Variants in FLT4 observed in about 807,000 individuals in gnomAD.
FLT4 encodes the protein fms related receptor tyrosine kinase 4.
Under a neutral mutation model 163.2 loss-of-function variants are expected in FLT4, and 30 were observed. That is an observed-to-expected ratio of 0.18 (90% confidence interval 0.14 to 0.25). The LOEUF (loss-of-function observed/expected upper bound fraction) is 0.25, where lower values mean the gene tolerates loss of function less well. Ranked by LOEUF, FLT4 falls within the 10% of genes least tolerant of loss-of-function variation. FLT4 has a pLI of 1.00. For synonymous variants in FLT4, 884 were observed against 789.5 expected, an observed-to-expected ratio of 1.12 and a Z score of -2.01; for missense variants, 1,510 against 1,863.8, an observed-to-expected ratio of 0.81 and a Z score of 3.50.
chr5:180,622,918 G>A (rs960773714), intron 11 of FLT4, 79 bp from the exon 12 acceptor site: 84 of 849,210 alleles, frequency 9.9e-5, no homozygotes, highest in South Asian at 7.1e-5. Flanking sequence ...CAAGGAGGTC[G>A]CTGTGCACCA....
chr5:180,619,806 C>T (rs769398792), intron 17 of FLT4, 37 bp from the exon 18 acceptor site: 8 of 1,505,342 alleles, frequency 5.3e-6, no homozygotes, highest in South Asian at 2.3e-5. Context: ...GTGAGCTGTA[C>T]GGGGTGAGCG....
intron 27 of FLT4, among the ~76,000 whole-genome samples, chr5:180,610,300 T>C (rs1762073245): frequency 6.6e-6 from 1 of 152,208 alleles, no homozygotes; most frequent in Non-Finnish European, 1.5e-5. Flanking sequence ...CAGCCCCGTG[T>C]GGCATGGAGC....
At position 180,620,958 on chromosome 5, in the gene FLT4, G is replaced by C. The variant is rs1323292035; in HGVS notation, c.2217C>G (p.Arg739=). The part of the protein sequence containing the change: ...SNQKLSIQRV[R]EEDAGRYLCS... ...ACAGATAGCGTCCCGCATCCTCCTC[G>C]CGCACGCGCTGGATGCTCAGCTTCT... is the stretch of plus-strand genomic sequence containing the variant. The change falls in exon 15 of 30, where the codon CGC becomes CGG. Residue 739 remains arginine, a synonymous_variant. Transcript: ENST00000261937. This position sits in a 1 kb window ranked among gnomAD's most constrained non-coding sequence, Gnocchi z 4.4. 2 of 1,610,610 alleles carry C rather than the reference G, an allele frequency of 1.2e-6. No individual in the cohort carries two copies. Among genetic ancestry groups the C allele is most frequent in the South Asian group, 2.2e-5 (2 of 90,792 alleles).
chr5:180,618,149 C>T (rs1762812614), intron 21 of FLT4, among the ~76,000 whole-genome samples: 1 of 85,626 alleles, frequency 1.2e-5, no homozygotes, highest in Non-Finnish European at 2.5e-5. Context: ...CCTCTCCTGC[C>T]CCTCAGCCTC....
chr5:180,616,984 C>G lies in FLT4; in HGVS notation c.3012G>C (p.Leu1004=). The G allele has an allele frequency of 6.2e-7, 1 of 1,613,074 alleles. No individual in the cohort carries two copies. Among genetic ancestry groups the G allele is most frequent in the Non-Finnish European group, 8.5e-7 (1 of 1,179,858 alleles). The change falls in exon 22 of 30, where the codon CTG becomes CTC. Residue 1004 remains leucine, a synonymous_variant. Coordinates refer to ENST00000261937, the MANE Select transcript of FLT4 (RefSeq NM_182925.5). ...CTTCCATGGTCAGCGGGCTCAGCCA[C>G]AGGTCCTCAGCTACACAGTGGAGCC... is the stretch of plus-strand genomic sequence containing the variant. The part of the protein sequence containing the change: ...RASPDQEAED[L]WLSPLTMEDL...
At chr5:180,628,757 C>T (rs746289556) in intron 8 of FLT4, 125 bp downstream of exon 8, 46 of 710,268 alleles carry the variant, frequency 6.5e-5, no homozygotes, top group African/African-American at 1.0e-4. Context: ...GAGAGGCCCC[C>T]GCCATGCCTG....
Position 180,621,745 on chromosome 5 carries a change from A to G in FLT4, c.1817T>C (p.Leu606Pro), listed in dbSNP as rs1763163069. 1.2e-6 allele frequency: 2 copies of G among 1,612,996 alleles called. No homozygotes were observed. The highest frequency in any genetic ancestry group is 2.2e-5 in the East Asian group (1 of 44,896). ...STLHDAHGNP[L>P]LLDCKNVHLF... ...ATGCACGTTCTTGCAGTCGAGCAGA[A>G]GCGGGTTCCCGTGCGCATCGTGCAG... The change falls in exon 13 of 30, where the codon CTT (leucine) becomes CCT (proline). Residue 606 changes from leucine to proline, a missense_variant. Around this residue, in one of 5 missense-constraint regions of FLT4, gnomAD observed 878 missense variants for 1,016.7 expected, o/e 0.86. Transcript: ENST00000261937.
intron 28 of FLT4, chr5:180,609,583 G>A (rs1762016714): frequency 5.0e-6 from 2 of 400,110 alleles, no homozygotes; most frequent in Admixed American, 3.8e-5. Flanking sequence ...GCTCCCATGG[G>A]GCCCCTCTGC....
chr5:180,604,122 C>T (rs1219491296), intron 29 of FLT4, among the ~76,000 whole-genome samples: 2 of 152,132 alleles, frequency 1.3e-5, no homozygotes, highest in Admixed American at 6.5e-5. Flanking sequence ...CACACAGACT[C>T]GACTCAAACA....
intron 23 of FLT4, among the ~76,000 whole-genome samples, chr5:180,614,679 C>T (rs1325720466): frequency 4.6e-5 from 7 of 150,728 alleles, no homozygotes; most frequent in Admixed American, 4.0e-4. Context: ...CCTGGGAGCC[C>T]TGAGGGCCAG....
rs1368679940 is a variant in FLT4, at chr5:180,628,919, C to T, written c.1066G>A (p.Val356Met). ...GGCGGGGGGTACGCTGCCAGCTTCACGGGCAGCTTCACCAGCTCGTCTCCT... is the reference window on the plus strand; with the variant it reads ...GGCGGGGGGTACGCTGCCAGCTTCATGGGCAGCTTCACCAGCTCGTCTCCT... ...TAGDELVKLP[V>M]KLAAYPPPEF... The change falls in exon 8 of 30, where the codon GTG becomes ATG. Residue 356 changes from valine to methionine, a missense_variant. Around this residue, in one of 5 missense-constraint regions of FLT4, gnomAD observed 878 missense variants for 1,016.7 expected, o/e 0.86. Coordinates refer to ENST00000261937, the MANE Select transcript of FLT4 (RefSeq NM_182925.5). The T allele has an allele frequency of 9.3e-6, 15 of 1,612,518 alleles. No individual in the cohort carries two copies. Among genetic ancestry groups the T allele is most frequent in the Admixed American group, 5.0e-5 (3 of 59,998 alleles).
intron 29 of FLT4, among the ~76,000 whole-genome samples, chr5:180,605,787 T>C (rs1349013268): frequency 6.6e-6 from 1 of 152,120 alleles, no homozygotes; most frequent in Non-Finnish European, 1.5e-5. Context: ...CCATGCTGAG[T>C]GACCACAAGC....
chr5:180,629,353 G>T lies in FLT4; in HGVS notation c.891C>A (p.Ile297=). ...CCAGGTCGTGCTGGCTGACGTTGTG[G>T]ATGGTCAGGATGCTGGAGAGTTCTG... is the stretch of plus-strand genomic sequence containing the variant. The part of the protein sequence containing the change: ...THTELSSILT[I]HNVSQHDLGS... Residue 297 remains isoleucine, a synonymous_variant, in exon 7 of 30, where the codon ATC becomes ATA. Coordinates refer to ENST00000261937, the MANE Select transcript of FLT4 (RefSeq NM_182925.5). 1 of 1,613,088 alleles carries T rather than the reference G, an allele frequency of 6.2e-7. No homozygotes were observed. Among genetic ancestry groups the T allele is most frequent in the South Asian group, 1.1e-5 (1 of 91,076 alleles).
At chr5:180,643,987 A>C (rs1037522547) in intron 1 of FLT4, among the ~76,000 whole-genome samples, 2 of 151,948 alleles carry the variant, frequency 1.3e-5, no homozygotes, top group African/African-American at 2.4e-5. Context: ...GCACGCAGCT[A>C]ATTTTTGTAT....
intron 29 of FLT4, among the ~76,000 whole-genome samples, chr5:180,604,700 CT>C (rs1761698119): frequency 6.6e-6 from 1 of 152,198 alleles, no homozygotes; most frequent in Non-Finnish European, 1.5e-5. Context: ...AAGATGTTGA[CT>C]TCTTGTTTGG....
intron 1 of FLT4, among the ~76,000 whole-genome samples, chr5:180,645,876 G>C (rs373465397): frequency 4.6e-5 from 7 of 152,256 alleles, no homozygotes; most frequent in East Asian, 1.9e-4. Context: ...CAGAGTCTAG[G>C]GGGTGTGAGA....
intron 8 of FLT4, among the ~76,000 whole-genome samples, chr5:180,627,684 C>T (rs956533419): frequency 4.6e-5 from 7 of 152,190 alleles, no homozygotes; most frequent in African/African-American, 1.7e-4. Flanking sequence ...CAGTGGAAAG[C>T]TGTTCTGAGA....
intron 1 of FLT4, among the ~76,000 whole-genome samples, chr5:180,641,767 T>C (rs13359400): frequency 0.039 from 5,928 of 152,312 alleles, 163 homozygotes; most frequent in South Asian, 0.12. Flanking sequence ...TGAGCCCGCA[T>C]GCCCGGCTGG....
Position 180,603,227 on chromosome 5 carries a change from C to T in FLT4, c.4057G>A (p.Ala1353Thr), listed in dbSNP as rs1761603580. ...PSEEDHCSPS[A>T]RVTFFTDNSY is the part of the protein sequence containing the mutation. ...TTGTCTGTGAAGAAAGTCACGCGGG[C>T]AGACGGGGAGCAGTGGTCCTCCTCG... Residue 1353 changes from alanine to threonine, a missense_variant, in exon 30 of 30, where the codon GCC becomes ACC. Coordinates refer to ENST00000261937, the MANE Select transcript of FLT4 (RefSeq NM_182925.5). 6.2e-7 allele frequency: 1 copy of T among 1,614,002 alleles called. No homozygotes were observed. Among genetic ancestry groups the T allele is most frequent in the African/African-American group, 1.3e-5 (1 of 74,952 alleles).
Sources: gnomAD v4.1 joint callset for allele counts (sites outside exome capture counted in the v4.1 genomes callset) on GRCh38, gnomAD v4.1.1 for gene constraint, gnomAD v4.1.1 regional missense constraint, Gnocchi (gnomAD v3.1) non-coding constraint, MANE v1.5 for transcripts, NCBI Gene and HGNC (gene_info 2026-07-23, HGNC 2026-07-21) for gene names.